Variants in CAMK1D observed in about 807,000 individuals in gnomAD.
CAMK1D encodes calcium/calmodulin dependent protein kinase ID, also known as calcium/calmodulin-dependent protein kinase type 1D.
In CAMK1D, 9 loss-of-function variants were observed where a neutral mutation model predicts 47.7. The observed-to-expected ratio is 0.19, with a 90% CI of 0.11 to 0.33. The LOEUF is 0.33. CAMK1D is among the 10% of genes least tolerant of loss of function. CAMK1D has a pLI of 1.00. For missense variants in CAMK1D, 291 were observed against 488.7 expected, an observed-to-expected ratio of 0.60 and a Z score of 3.81; for synonymous variants, 184 against 184.9, an observed-to-expected ratio of 0.99 and a Z score of 0.04.
intron 5 of CAMK1D, among the ~76,000 whole-genome samples, chr10:12,779,621 G>T (rs1437466956): frequency 6.6e-6 from 1 of 152,124 alleles, no homozygotes; most frequent in East Asian, 1.9e-4. Flanking sequence ...TGTAGAGACA[G>T]GGTCTCACTT....
At chr10:12,443,362 G>A (rs1020789087) in intron 1 of CAMK1D, among the ~76,000 whole-genome samples, 3 of 152,122 alleles carry the variant, frequency 2.0e-5, no homozygotes, top group Admixed American at 6.5e-5. Context: ...GGAGGGGACA[G>A]AAACAAGGAT....
intron 2 of CAMK1D, among the ~76,000 whole-genome samples, chr10:12,599,426 G>T (rs1467714329): frequency 6.6e-6 from 1 of 152,172 alleles, no homozygotes; most frequent in African/African-American, 2.4e-5. Flanking sequence ...ATCCTAGGAG[G>T]TGTTGTGACC....
At chr10:12,666,371 G>A (rs1440068847) in intron 2 of CAMK1D, among the ~76,000 whole-genome samples, 2 of 152,194 alleles carry the variant, frequency 1.3e-5, no homozygotes, top group Non-Finnish European at 2.9e-5. Context: ...AGGCAAGTCC[G>A]TGATGGCCAC....
Position 12,353,351 on chromosome 10 carries a change from T to C in CAMK1D, c.92+3441T>C, listed in dbSNP as rs149964095. ...GAAGCAGGGCTGTCAGCTCACAATG[T>C]TCACATGTATTTAAAATAAAGCATT... is the stretch of plus-strand genomic sequence containing the variant. On this transcript the variant is annotated intron_variant, in intron 1 of 10. Coordinates refer to ENST00000619168, the MANE Select transcript of CAMK1D (RefSeq NM_153498.4). Among the ~76,000 whole-genome samples, 17 of 152,308 alleles carry C rather than the reference T, an allele frequency of 1.1e-4. No individual in the cohort carries two copies. The East Asian group carries it at 3.3e-3, about 29-fold the overall frequency.
intron 1 of CAMK1D, among the ~76,000 whole-genome samples, chr10:12,524,769 C>T (rs576353221): frequency 6.6e-6 from 1 of 152,282 alleles, no homozygotes; most frequent in South Asian, 2.1e-4. Flanking sequence ...AGAAGTTAAG[C>T]AGAGACAAAT....
chr10:12,818,711 A>T (rs546967335), intron 8 of CAMK1D, among the ~76,000 whole-genome samples: 3 of 150,514 alleles, frequency 2.0e-5, no homozygotes, highest in Admixed American at 2.0e-4. Context: ...AGCCGAGACT[A>T]CACAGCTAGC....
chr10:12,686,179 C>G (rs1832654411), intron 3 of CAMK1D, among the ~76,000 whole-genome samples: 1 of 152,102 alleles, frequency 6.6e-6, no homozygotes, highest in Non-Finnish European at 1.5e-5. Context: ...ATTGACAGTC[C>G]CATCATCTGT....
chr10:12,487,272 C>T (rs577113335), intron 1 of CAMK1D, among the ~76,000 whole-genome samples: 1 of 152,280 alleles, frequency 6.6e-6, no homozygotes, highest in South Asian at 2.1e-4. Flanking sequence ...AAATAGGCTT[C>T]TCCTCAAGGT....
chr10:12,678,055 AGCC>A (rs1312134634), intron 3 of CAMK1D, among the ~76,000 whole-genome samples: 6 of 151,878 alleles, frequency 4.0e-5, no homozygotes, highest in Non-Finnish European at 8.8e-5. Context: ...CATAATCTGG[AGCC>A]AGTCTTACTA....
intron 1 of CAMK1D, among the ~76,000 whole-genome samples, chr10:12,540,152 A>C (rs1399103777): frequency 6.7e-6 from 1 of 148,910 alleles, no homozygotes; most frequent in Non-Finnish European, 1.5e-5. Flanking sequence ...CTGGTCTCCA[A>C]CTCCTGGCCT....
chr10:12,686,088 C>A (rs554005572), intron 3 of CAMK1D, among the ~76,000 whole-genome samples: 2 of 152,270 alleles, frequency 1.3e-5, no homozygotes, highest in Non-Finnish European at 2.9e-5. Context: ...GCTGGAACAG[C>A]AGTAGTTGCA....
At chr10:12,659,552 A>G (rs919011639) in intron 2 of CAMK1D, among the ~76,000 whole-genome samples, 1 of 152,210 alleles carries the variant, frequency 6.6e-6, no homozygotes, top group Non-Finnish European at 1.5e-5. Context: ...TGTTCTTGTG[A>G]CTGACAATAT....
intron 1 of CAMK1D, among the ~76,000 whole-genome samples, chr10:12,460,648 T>C (rs924181169): frequency 3.3e-5 from 5 of 152,126 alleles, no homozygotes; most frequent in Non-Finnish European, 5.9e-5. Context: ...TAGGCTGGTC[T>C]TGAACTCCTG....
chr10:12,795,861 GC>G (rs1838175584), intron 6 of CAMK1D, among the ~76,000 whole-genome samples: 1 of 152,150 alleles, frequency 6.6e-6, no homozygotes, highest in Admixed American at 6.5e-5. Context: ...ATTAGGACTT[GC>G]AAAAAACATC....
At chr10:12,473,296 G>C (rs566378676) in intron 1 of CAMK1D, among the ~76,000 whole-genome samples, 2 of 152,156 alleles carry the variant, frequency 1.3e-5, no homozygotes, top group Non-Finnish European at 2.9e-5. Flanking sequence ...GTGAACTGAG[G>C]CTGGGTGTGG....
chr10:12,816,507 C>A (rs1190865140), intron 8 of CAMK1D, among the ~76,000 whole-genome samples, 179 bp downstream of exon 8: 1 of 152,044 alleles, frequency 6.6e-6, no homozygotes, highest in Admixed American at 6.6e-5. Context: ...CTTGTGCCCC[C>A]AGGACACAGC....
chr10:12,672,688 A>G (rs546291993), intron 3 of CAMK1D, among the ~76,000 whole-genome samples: 1 of 152,108 alleles, frequency 6.6e-6, no homozygotes, highest in South Asian at 2.1e-4. Flanking sequence ...CTACCTAGGT[A>G]TATTTCATGA....
At chr10:12,813,372 T>C (rs1310939112) in intron 6 of CAMK1D, among the ~76,000 whole-genome samples, 1 of 152,216 alleles carries the variant, frequency 6.6e-6, no homozygotes, top group Non-Finnish European at 1.5e-5. Context: ...CGTCATAAAA[T>C]TTCATTTTCT....
At chr10:12,511,776 G>T (rs1488108936) in intron 1 of CAMK1D, among the ~76,000 whole-genome samples, 1 of 152,238 alleles carries the variant, frequency 6.6e-6, no homozygotes, top group African/African-American at 2.4e-5. Context: ...GGGCCGCCCA[G>T]AAGGATCGGC....
Sources: gnomAD v4.1 joint callset for allele counts (sites outside exome capture counted in the v4.1 genomes callset) on GRCh38, gnomAD v4.1.1 for gene constraint, MANE v1.5 for transcripts, NCBI Gene and HGNC (gene_info 2026-07-23, HGNC 2026-07-21) for gene names.